The following RPAP1 variants were observed in gnomAD, a reference collection of about 807,000 sequenced individuals.
The protein encoded by RPAP1 is RNA polymerase II associated protein 1.
Under a neutral mutation model 142.4 loss-of-function variants are expected in RPAP1, and 109 were observed. That is an observed-to-expected ratio of 0.77 (90% confidence interval 0.66 to 0.90). RPAP1 has a LOEUF of 0.90. RPAP1 is among the 40% of genes least tolerant of loss of function. RPAP1 has a pLI of 0.00. For synonymous variants in RPAP1, 704 were observed against 738.9 expected, an observed-to-expected ratio of 0.95 and a Z score of 0.77; for missense variants, 1,546 against 1,751.7, an observed-to-expected ratio of 0.88 and a Z score of 2.10.
intron 21 of RPAP1, 105 bp from the exon 22 acceptor site, chr15:41,521,252 C>T (rs970117242): frequency 9.8e-6 from 11 of 1,126,726 alleles, no homozygotes; most frequent in Non-Finnish European, 1.4e-5. Flanking sequence ...CAGACCTGTG[C>T]CTCTCTGCTC....
At chr15:41,528,971 G>A (rs1473506947) in intron 9 of RPAP1, among the ~76,000 whole-genome samples, 1 of 152,118 alleles carries the variant, frequency 6.6e-6, no homozygotes, top group Non-Finnish European at 1.5e-5. Context: ...AGGCCACAGT[G>A]CAGGAGGCAT....
Position 41,528,252 on chromosome 15 carries a change from C to A in RPAP1, c.1243G>T (p.Ala415Ser). 6.2e-7 allele frequency: 1 copy of A among 1,607,740 alleles called. No individual in the cohort carries two copies. The highest frequency in any genetic ancestry group is 1.1e-5 in the South Asian group (1 of 89,606). Residue 415 changes from alanine (A) to serine (S), a missense_variant, in exon 10 of 25, where the codon GCC (alanine) becomes TCC (serine). Physicochemically the swap from Ala to Ser is moderately conservative, Grantham distance 99. Coordinates refer to ENST00000304330, the MANE Select transcript of RPAP1 (RefSeq NM_015540.4). ...CCACTCACCCTGCTGATGACCTGGG[C>A]TAACACATGCAGTGCCAGTGCTCTC... ...QQRALALHVL[A>S]QVISRAQAGE... is the part of the protein sequence containing the mutation.
Position 41,517,478 on chromosome 15 carries a change from C to T in RPAP1, c.*64G>A. 1 of 1,413,890 alleles carries T rather than the reference C, an allele frequency of 7.1e-7. No individual in the cohort carries two copies. The highest frequency in any genetic ancestry group is 1.4e-5 in the South Asian group (1 of 70,742). 87.6% of individuals were successfully genotyped at this position (1,413,890 alleles called of 1,614,324 possible). A position where few individuals can be genotyped will look rare whatever the true frequency, so the allele number is the denominator to read the frequency against. Reference sequence around the variant, plus strand: ...TAGGACACAATGTTCTTCGTCTGGCCAGACATCTGTTGAAAGGCTGGATAC... The same window carrying T: ...TAGGACACAATGTTCTTCGTCTGGCTAGACATCTGTTGAAAGGCTGGATAC... On this transcript the variant is annotated 3_prime_UTR_variant, in exon 25 of 25. Coordinates refer to ENST00000304330, the MANE Select transcript of RPAP1 (RefSeq NM_015540.4).
At chr15:41,519,209 T>C (rs1444053183) in intron 22 of RPAP1, among the ~76,000 whole-genome samples, 1 of 150,980 alleles carries the variant, frequency 6.6e-6, no homozygotes, top group Non-Finnish European at 1.5e-5. Context: ...GTAACTCTTT[T>C]TTATTTTTCT....
chr15:41,523,793 T>C lies in RPAP1; in HGVS notation c.2414A>G (p.Tyr805Cys). Residue 805 changes from tyrosine to cysteine, a missense_variant, in exon 17 of 25, where the codon TAC (tyrosine) becomes TGC (cysteine). By Grantham distance (194) the Tyr-to-Cys change is radical. Around this residue, in one of 3 missense-constraint regions of RPAP1, gnomAD observed 1,333 missense variants for 1,486.6 expected, o/e 0.90. Coordinates refer to ENST00000304330, the MANE Select transcript of RPAP1 (RefSeq NM_015540.4). ...PVACLLFLGA[Y>C]YQAWSQQPSS... ...CACTTGCTGGCTCCAGGCCTGGTAGTAGGCTCCCAGGAACAACAGGCAGGC... is the reference window on the plus strand; with the variant it reads ...CACTTGCTGGCTCCAGGCCTGGTAGCAGGCTCCCAGGAACAACAGGCAGGC... 1 of 1,604,606 alleles carries C rather than the reference T, an allele frequency of 6.2e-7. No individual in the cohort carries two copies. Among genetic ancestry groups the C allele is most frequent in the Non-Finnish European group, 8.5e-7 (1 of 1,175,962 alleles).
In RPAP1 at chr15:41,520,554, T is replaced by C. The variant is rs143116680; in HGVS notation, c.3632A>G (p.Tyr1211Cys). 10 of 1,613,960 alleles carry C rather than the reference T, an allele frequency of 6.2e-6. No individual in the cohort carries two copies. In the African/African-American group the frequency reaches 8.0e-5, roughly 13 times the overall value. Residue 1211 changes from tyrosine to cysteine, a missense_variant, in exon 22 of 25, where the codon TAT (tyrosine) becomes TGT (cysteine). Coordinates refer to ENST00000304330, the MANE Select transcript of RPAP1 (RefSeq NM_015540.4). Reference protein sequence around the residue: ...LPGLTSFPDLYANFLDHFEAV... With the variant: ...LPGLTSFPDLCANFLDHFEAV... ...CTCAAAATGATCCAGGAAGTTGGCATAGAGGTCAGGGAAAGACGTCAGGCC... is the reference window on the plus strand; with the variant it reads ...CTCAAAATGATCCAGGAAGTTGGCACAGAGGTCAGGGAAAGACGTCAGGCC...
In RPAP1 at chr15:41,534,856, G is replaced by T; in HGVS notation, c.621C>A (p.Pro207=). The T allele has an allele frequency of 1.2e-6, 2 of 1,614,180 alleles. No homozygotes were observed. Among genetic ancestry groups the T allele is most frequent in the South Asian group, 2.2e-5 (2 of 91,084 alleles). The change falls in exon 6 of 25, where the codon CCC becomes CCA. Residue 207 remains proline, a synonymous_variant. Coordinates refer to ENST00000304330, the MANE Select transcript of RPAP1 (RefSeq NM_015540.4). Reference sequence around the variant, plus strand: ...TGAGCCCCTTCCCTGTGACCAGATTGGGTCCCTGAAAGCTGTGGCTGCTCC... The same window carrying T: ...TGAGCCCCTTCCCTGTGACCAGATTTGGTCCCTGAAAGCTGTGGCTGCTCC... ...LPGSSHSFQG[P]NLVTGKGLRD...
intron 6 of RPAP1, among the ~76,000 whole-genome samples, chr15:41,532,451 C>T (rs2051861151): frequency 6.6e-6 from 1 of 152,138 alleles, no homozygotes; most frequent in African/African-American, 2.4e-5. Flanking sequence ...GGGCAAGGCA[C>T]CATACTGAGC....
intron 2 of RPAP1, 90 bp downstream of exon 2, chr15:41,536,852 AATG>A: frequency 6.8e-7 from 1 of 1,469,866 alleles, no homozygotes; most frequent in Non-Finnish European, 9.3e-7. Context: ...CTGAAATAAT[AATG>A]ATGTGTCTGA....
intron 1 of RPAP1, among the ~76,000 whole-genome samples, chr15:41,540,452 C>T (rs2051961433): frequency 6.6e-6 from 1 of 152,100 alleles, no homozygotes; most frequent in African/African-American, 2.4e-5. Context: ...TAGGCATGTG[C>T]CACCACGCCC....
rs1388749650 is a variant in RPAP1, at chr15:41,521,795, C to G, written c.2981G>C (p.Ser994Thr). The change falls in exon 21 of 25, where the codon AGT (serine) becomes ACT (threonine). Residue 994 changes from serine (S) to threonine (T), a missense_variant. Ser to Thr is a moderately conservative substitution (Grantham distance 58). Around this residue, in one of 3 missense-constraint regions of RPAP1, gnomAD observed 1,333 missense variants for 1,486.6 expected, o/e 0.90. Coordinates refer to ENST00000304330, the MANE Select transcript of RPAP1 (RefSeq NM_015540.4). ...LALLSRLLPG[S>T]EYLTHELLLS... ...CAGCAGCTCATGGGTGAGGTACTCA[C>G]TTCCGGGCAGCAGCCGGCTCAGCAG... is the stretch of plus-strand genomic sequence containing the variant. 3.7e-6 allele frequency: 6 copies of G among 1,614,216 alleles called. No homozygotes were observed. The East Asian group carries it at 1.3e-4, about 36-fold the overall frequency.
In RPAP1 at chr15:41,521,130, C is replaced by T. The variant is rs532343785; in HGVS notation, c.3056G>A (p.Gly1019Asp). 4.6e-6 allele frequency: 7 copies of T among 1,513,070 alleles called. No individual in the cohort carries two copies. In the South Asian group the frequency reaches 9.4e-5, roughly 20 times the overall value. The allele number at this position is 1,513,070 out of a possible 1,614,324, so 93.7% of individuals were successfully genotyped here. A position where few individuals can be genotyped will look rare whatever the true frequency, so the allele number is the denominator to read the frequency against. Residue 1019 changes from glycine (G) to aspartate (D), a missense_variant, in exon 22 of 25, where the codon GGT (glycine) becomes GAT (aspartate). Gly to Asp is a moderately conservative substitution (Grantham distance 94). Coordinates refer to ENST00000304330, the MANE Select transcript of RPAP1 (RefSeq NM_015540.4). ...GTCAGAGAAGTCGGCTGCCTCTGGA[C>T]CCCCTGATGTTCTTTCCCTGTAATG... ...LEFLPERTSG[G>D]PEAADFSDQL...
intron 22 of RPAP1, among the ~76,000 whole-genome samples, chr15:41,518,727 C>T (rs1400230421): frequency 6.6e-6 from 1 of 151,696 alleles, no homozygotes; most frequent in Non-Finnish European, 1.5e-5. Context: ...CCTGTAATCC[C>T]AGCTACTCAG....
chr15:41,531,930 A>G (rs1174019581), intron 6 of RPAP1, among the ~76,000 whole-genome samples: 1 of 151,904 alleles, frequency 6.6e-6, no homozygotes, highest in Admixed American at 6.6e-5. Context: ...ATCGTAGCTC[A>G]CCACAGCCTC....
At chr15:41,542,912 A>G (rs1022185780) in intron 1 of RPAP1, among the ~76,000 whole-genome samples, 2 of 150,698 alleles carry the variant, frequency 1.3e-5, no homozygotes, top group African/African-American at 4.9e-5. Context: ...TGCCTACCCA[A>G]AGGCCCTAAG....
chr15:41,531,061 T>C lies in RPAP1; in HGVS notation c.905A>G (p.Glu302Gly). ...EEPLMSAFAS[E>G]PRKRDKLEPE... ...CTCCAGCTTGTCTCTCTTCCTGGGC[T>C]CACTGGCAAAAGCTGACATGAGGGG... Residue 302 changes from glutamate (E) to glycine (G), a missense_variant, in exon 7 of 25, where the codon GAG becomes GGG. By Grantham distance (98) the Glu-to-Gly change is moderately conservative. Transcript: ENST00000304330. 6.2e-7 allele frequency: 1 copy of C among 1,613,842 alleles called. No homozygotes were observed. The highest frequency in any genetic ancestry group is 1.3e-5 in the African/African-American group (1 of 75,032).
At chr15:41,526,388 A>G (rs983408765) in intron 14 of RPAP1, among the ~76,000 whole-genome samples, 1 of 152,194 alleles carries the variant, frequency 6.6e-6, no homozygotes, top group Non-Finnish European at 1.5e-5. Context: ...CTGAGACTAC[A>G]GTCATGTGCT....
At chr15:41,521,271 A>C in intron 21 of RPAP1, 124 bp from the exon 22 acceptor site, 1 of 943,696 alleles carries the variant, frequency 1.1e-6, no homozygotes, top group Non-Finnish European at 1.6e-6. Flanking sequence ...TCCCTTAACT[A>C]CTTCCCGCGC....
Position 41,517,805 on chromosome 15 carries a change from G to A in RPAP1, c.4025C>T (p.Ala1342Val), listed in dbSNP as rs1400771519. 6 of 1,614,006 alleles carry A rather than the reference G, an allele frequency of 3.7e-6. No homozygotes were observed. The highest frequency in any genetic ancestry group is 3.3e-5 in the South Asian group (3 of 91,082). Residue 1342 changes from alanine to valine, a missense_variant, in exon 24 of 25, where the codon GCA becomes GTA. Physicochemically the swap from Ala to Val is moderately conservative, Grantham distance 64. Transcript: ENST00000304330. ...TAATGGCCCTGACCCTACCTCATCT[G>A]CCAGCAGCCATGTTTTCTGCAGCAT... ...RSMLQKTWLL[A>V]DEGLRQHLLH... is the part of the protein sequence containing the mutation.
Sources: gnomAD v4.1 joint callset for allele counts (sites outside exome capture counted in the v4.1 genomes callset) on GRCh38, gnomAD v4.1.1 for gene constraint, gnomAD v4.1.1 regional missense constraint, MANE v1.5 for transcripts, NCBI Gene and HGNC (gene_info 2026-07-23, HGNC 2026-07-21) for gene names.